The following DLGAP1 variants were observed in gnomAD, a reference collection of about 807,000 sequenced individuals.
DLGAP1 encodes the protein disks large-associated protein 1.
In DLGAP1, 11 loss-of-function variants were observed where a neutral mutation model predicts 90.8. The observed-to-expected ratio is 0.12, with a 90% CI of 0.08 to 0.20. The LOEUF (loss-of-function observed/expected upper bound fraction) is 0.20, where lower values mean the gene tolerates loss of function less well. Among genes scored for constraint, DLGAP1 ranks in the 10% least tolerant of loss-of-function variants. The pLI is 1.00. For synonymous variants in DLGAP1, 558 were observed against 540.7 expected, an observed-to-expected ratio of 1.03 and a Z score of -0.44; for missense variants, 1,050 against 1,333.8, an observed-to-expected ratio of 0.79 and a Z score of 3.31.
intron 1 of DLGAP1, among the ~76,000 whole-genome samples, chr18:4,400,595 G>C (rs1407656624): frequency 6.6e-6 from 1 of 152,048 alleles, no homozygotes; most frequent in Non-Finnish European, 1.5e-5. Context: ...GTTCTTTGTG[G>C]GGCTCTCGGG....
Position 3,848,861 on chromosome 18 carries a change from T to C in DLGAP1, c.957+30251A>G, listed in dbSNP as rs774108330. On this transcript the variant is annotated intron_variant, in intron 4 of 12. Coordinates refer to ENST00000315677, the MANE Select transcript of DLGAP1 (RefSeq NM_004746.4). ...CCACTGTCCTTCTCCTTCCACTCCA[T>C]CCAAAAGGATGTTTTCAGAGGGCAA... 4.6e-5 allele frequency among the ~76,000 whole-genome samples: 7 copies of C among 152,284 alleles called. No individual in the cohort carries two copies. The East Asian group carries it at 1.2e-3, about 25-fold the overall frequency.
At chr18:4,393,464 T>C (rs1247885026) in intron 1 of DLGAP1, among the ~76,000 whole-genome samples, 1 of 152,206 alleles carries the variant, frequency 6.6e-6, no homozygotes, top group Non-Finnish European at 1.5e-5. Flanking sequence ...GTTGATTCTT[T>C]GTCACATTTG....
chr18:4,137,377 G>C (rs1173013271), intron 2 of DLGAP1, among the ~76,000 whole-genome samples: 2 of 152,068 alleles, frequency 1.3e-5, no homozygotes, highest in African/African-American at 2.4e-5. Context: ...TTATTGAAGA[G>C]ACTGTTCTAT....
chr18:4,298,570 C>T (rs979928170), intron 1 of DLGAP1, among the ~76,000 whole-genome samples: 6 of 150,380 alleles, frequency 4.0e-5, no homozygotes, highest in African/African-American at 1.2e-4. Context: ...GGGAACTGAA[C>T]GATGAGATCA....
intron 7 of DLGAP1, among the ~76,000 whole-genome samples, chr18:3,662,525 C>T (rs2059720572): frequency 6.6e-6 from 1 of 152,158 alleles, no homozygotes; most frequent in South Asian, 2.1e-4. Context: ...GACACATAAT[C>T]AGCTTGGACA....
intron 3 of DLGAP1, among the ~76,000 whole-genome samples, chr18:3,933,012 T>C (rs969169197): frequency 1.3e-5 from 2 of 152,282 alleles, no homozygotes; most frequent in Admixed American, 6.5e-5. Flanking sequence ...AGTTCCCCAC[T>C]TAGAGCAACA....
chr18:3,538,191 G>T (rs1032033714), intron 9 of DLGAP1, among the ~76,000 whole-genome samples: 3 of 152,190 alleles, frequency 2.0e-5, no homozygotes, highest in Middle Eastern at 6.8e-3. Flanking sequence ...AAAAAAAGTG[G>T]CTAAGGTATT....
At chr18:3,881,345 A>T (rs4797127) in intron 3 of DLGAP1, among the ~76,000 whole-genome samples, 2 of 151,916 alleles carry the variant, frequency 1.3e-5, no homozygotes, top group African/African-American at 2.4e-5. Flanking sequence ...CTACATGTTA[A>T]TTGTTAAAGA....
chr18:3,672,201 G>GACACACACACACACAC (rs3223621), intron 7 of DLGAP1, among the ~76,000 whole-genome samples: 19 of 143,592 alleles, frequency 1.3e-4, no homozygotes, highest in East Asian at 1.2e-3. Context: ...CTGCTGATTA[G>GACACACACACACACAC]ACACACACAC....
intron 2 of DLGAP1, among the ~76,000 whole-genome samples, chr18:4,019,236 G>T (rs1380517844): frequency 6.6e-6 from 1 of 152,002 alleles, no homozygotes; most frequent in Non-Finnish European, 1.5e-5. Context: ...ATTAGAAGAT[G>T]CCCCTTACTT....
rs1258522958 is a variant in DLGAP1, at chr18:4,383,248, A to C, written c.-267+71758T>G. Among the ~76,000 whole-genome samples the C allele has an allele frequency of 2.6e-5, 4 of 152,186 alleles. No homozygotes were observed. Among genetic ancestry groups the C allele is most frequent in the African/African-American group, 9.6e-5 (4 of 41,468 alleles). On this transcript the variant is annotated intron_variant, in intron 1 of 12. Transcript: ENST00000315677. This position sits in a 1 kb window ranked among gnomAD's most constrained non-coding sequence, Gnocchi z 4.0. ...ATGTTCTAATATTCATCTAACTGAAAGGTCATTATCTCTAGAACTTTAACT... is the reference window on the plus strand; with the variant it reads ...ATGTTCTAATATTCATCTAACTGAACGGTCATTATCTCTAGAACTTTAACT...
chr18:4,350,255 A>G (rs2081379357), intron 1 of DLGAP1, among the ~76,000 whole-genome samples: 2 of 152,150 alleles, frequency 1.3e-5, no homozygotes, highest in Admixed American at 1.3e-4. Context: ...GGAGGGAAAT[A>G]TTAGTTATCG....
At chr18:4,243,234 T>C (rs1280289508) in intron 1 of DLGAP1, among the ~76,000 whole-genome samples, 1 of 60,204 alleles carries the variant, frequency 1.7e-5, no homozygotes, top group Non-Finnish European at 5.6e-5. Context: ...AGTTCCTTAA[T>C]AGTTCTTTTC....
At chr18:4,102,261 G>GCATTTTTCTTTT (rs1412038821) in intron 2 of DLGAP1, among the ~76,000 whole-genome samples, 1 of 152,112 alleles carries the variant, frequency 6.6e-6, no homozygotes, top group Admixed American at 6.5e-5. Flanking sequence ...ACAGTACTAC[G>GCATTTTTCTTTT]CATTTTCTTT....
chr18:4,219,481 T>C (rs1446845854), intron 1 of DLGAP1, among the ~76,000 whole-genome samples: 1 of 152,160 alleles, frequency 6.6e-6, no homozygotes, highest in Non-Finnish European at 1.5e-5. Context: ...TTTAGTTTGA[T>C]GTAATCCTAT....
At chr18:4,267,459 G>A (rs1000811606) in intron 1 of DLGAP1, among the ~76,000 whole-genome samples, 1 of 152,162 alleles carries the variant, frequency 6.6e-6, no homozygotes, top group African/African-American at 2.4e-5. Flanking sequence ...TGCTTAATGG[G>A]AAGTTTCTCC....
intron 1 of DLGAP1, among the ~76,000 whole-genome samples, chr18:4,312,017 AT>A (rs2080413236): frequency 6.6e-6 from 1 of 152,102 alleles, no homozygotes; most frequent in South Asian, 2.1e-4. Context: ...TGCCTGGCTA[AT>A]TTTTGTATTT....
At chr18:3,777,410 A>AC (rs2064986359) in intron 5 of DLGAP1, among the ~76,000 whole-genome samples, 1 of 152,208 alleles carries the variant, frequency 6.6e-6, no homozygotes. Context: ...TATGTTAGAG[A>AC]CAAAAACAAA....
At chr18:3,582,345 C>G in intron 7 of DLGAP1, 97 bp from the exon 8 acceptor site, 2 of 1,503,886 alleles carry the variant, frequency 1.3e-6, no homozygotes, top group East Asian at 2.3e-5. Context: ...GCACATGAAA[C>G]ACACTGAGAC....
Sources: gnomAD v4.1 joint callset for allele counts (sites outside exome capture counted in the v4.1 genomes callset) on GRCh38, gnomAD v4.1.1 for gene constraint, Gnocchi (gnomAD v3.1) non-coding constraint, MANE v1.5 for transcripts, NCBI Gene and HGNC (gene_info 2026-07-23, HGNC 2026-07-21) for gene names.